Variants in SPATA17 observed in about 807,000 individuals in gnomAD.
SPATA17 encodes the protein spermatogenesis associated 17.
In SPATA17, 53 loss-of-function variants were observed where a neutral mutation model predicts 62.2. The observed-to-expected ratio is 0.85, with a 90% CI of 0.68 to 1.07. SPATA17 has a LOEUF of 1.07. SPATA17 is among the 50% of genes least tolerant of loss of function. SPATA17 has a pLI of 0.00. For synonymous variants in SPATA17, 146 were observed against 146.8 expected (o/e 0.99, Z 0.04); for missense variants, 466 against 425.5 (o/e 1.10, Z -0.84).
chr1:217,664,479 G>C (rs909369495), intron 3 of SPATA17, among the ~76,000 whole-genome samples: 2 of 151,936 alleles, frequency 1.3e-5, no homozygotes, highest in South Asian at 4.2e-4. Flanking sequence ...ATTTTTAGTA[G>C]AGACGGGGTT....
Position 217,782,291 on chromosome 1 carries a change from G to A in SPATA17, c.841G>A (p.Glu281Lys), listed in dbSNP as rs767749783. Residue 281 changes from glutamate (E) to lysine (K), a missense_variant, in exon 8 of 11, where the codon GAG becomes AAG. Coordinates refer to ENST00000366933, the MANE Select transcript of SPATA17 (RefSeq NM_138796.4). ...GTTGGCCAGAGAGGAGCTCAGAAGAGAGGAATGGCTGCAAAATGTAAATGA... is the reference window on the plus strand; with the variant it reads ...GTTGGCCAGAGAGGAGCTCAGAAGAAAGGAATGGCTGCAAAATGTAAATGA... The part of the protein sequence containing the change: ...LKLAREELRR[E>K]EWLQNVNDNM... The A allele has an allele frequency of 6.8e-6, 11 of 1,609,826 alleles. No individual in the cohort carries two copies. The East Asian group carries it at 2.5e-4, about 36-fold the overall frequency.
At chr1:217,681,033 C>T (rs1040030869) in intron 4 of SPATA17, among the ~76,000 whole-genome samples, 1 of 151,458 alleles carries the variant, frequency 6.6e-6, no homozygotes, top group Non-Finnish European at 1.5e-5. Context: ...TCGAGACCAT[C>T]CTGGCCAACA....
At chr1:217,725,058 C>T (rs1228355055) in intron 5 of SPATA17, among the ~76,000 whole-genome samples, 1 of 152,014 alleles carries the variant, frequency 6.6e-6, no homozygotes, top group African/African-American at 2.4e-5. Context: ...AATAGTCATC[C>T]ATATTTTCTT....
chr1:217,864,105 G>A (rs1510248), intron 10 of SPATA17, among the ~76,000 whole-genome samples: 92,334 of 152,078 alleles, frequency 0.61, 28,778 homozygotes, highest in African/African-American at 0.72. Context: ...GAGCTAATAG[G>A]AAATGTATAT....
At chr1:217,756,916 G>A (rs1673057799) in intron 6 of SPATA17, among the ~76,000 whole-genome samples, 2 of 152,160 alleles carry the variant, frequency 1.3e-5, no homozygotes, top group African/African-American at 2.4e-5. Context: ...TTTATGAGAC[G>A]AAGGGATGTT....
chr1:217,758,865 T>A (rs1419189430), intron 6 of SPATA17, among the ~76,000 whole-genome samples: 2 of 152,108 alleles, frequency 1.3e-5, no homozygotes, highest in African/African-American at 4.8e-5. Context: ...GAGGGTGAGA[T>A]ATTGATCTTT....
intron 8 of SPATA17, among the ~76,000 whole-genome samples, chr1:217,786,659 A>G (rs556440923): frequency 6.6e-6 from 1 of 152,168 alleles, no homozygotes; most frequent in Non-Finnish European, 1.5e-5. Flanking sequence ...TCAGAAGAAT[A>G]TGATAGATGC....
chr1:217,718,649 C>T (rs1191926299), intron 5 of SPATA17, among the ~76,000 whole-genome samples: 1 of 151,748 alleles, frequency 6.6e-6, no homozygotes, highest in Non-Finnish European at 1.5e-5. Context: ...GCAAAGGTAC[C>T]AGGGAGTTAG....
intron 9 of SPATA17, among the ~76,000 whole-genome samples, chr1:217,848,340 C>A (rs1675573182): frequency 6.6e-6 from 1 of 152,128 alleles, no homozygotes. Flanking sequence ...TAGCCATTGA[C>A]CTTCAACTAT....
chr1:217,743,546 A>G (rs1672674892), intron 6 of SPATA17, among the ~76,000 whole-genome samples: 1 of 152,060 alleles, frequency 6.6e-6, no homozygotes, highest in Non-Finnish European at 1.5e-5. Flanking sequence ...TAGTTGTGCT[A>G]TGTATACTTA....
intron 9 of SPATA17, among the ~76,000 whole-genome samples, chr1:217,858,478 T>G (rs559152249): frequency 7.9e-5 from 12 of 152,358 alleles, no homozygotes; most frequent in Admixed American, 2.6e-4. Context: ...TAGCAAGTGT[T>G]TCCTGTGCTT....
intron 4 of SPATA17, among the ~76,000 whole-genome samples, chr1:217,679,308 A>T (rs1186529652): frequency 6.6e-6 from 1 of 152,154 alleles, no homozygotes; most frequent in Non-Finnish European, 1.5e-5. Context: ...TTACTGTTTT[A>T]CTGGTTATGT....
At chr1:217,816,843 T>A (rs1271058477) in intron 9 of SPATA17, among the ~76,000 whole-genome samples, 2 of 152,104 alleles carry the variant, frequency 1.3e-5, no homozygotes, top group African/African-American at 4.8e-5. Context: ...CTTGTATTCC[T>A]GGCATAAACT....
At chr1:217,703,160 C>G (rs1671642511) in intron 5 of SPATA17, among the ~76,000 whole-genome samples, 2 of 133,892 alleles carry the variant, frequency 1.5e-5, no homozygotes, top group African/African-American at 2.9e-5. Context: ...CAGGCGTGAG[C>G]CATTGCGCTC....
intron 9 of SPATA17, among the ~76,000 whole-genome samples, chr1:217,839,983 T>A (rs1047221150): frequency 1.3e-5 from 2 of 149,996 alleles, no homozygotes; most frequent in Non-Finnish European, 3.0e-5. Flanking sequence ...ACTCGGAAAA[T>A]CGTGTTTAAA....
chr1:217,855,983 C>A (rs1006847641), intron 9 of SPATA17, among the ~76,000 whole-genome samples: 5 of 151,948 alleles, frequency 3.3e-5, no homozygotes, highest in African/African-American at 9.7e-5. Flanking sequence ...CCTGAACCCC[C>A]CAAAGTGCTG....
chr1:217,808,383 C>CACACA lies in SPATA17; in HGVS notation c.1005+6533_1005+6534insACACA, dbSNP rs34932787. Among the ~76,000 whole-genome samples, 263 of 68,896 alleles carry CACACA rather than the reference C, an allele frequency of 3.8e-3. 1 individual carries two copies. The highest frequency in any genetic ancestry group is 8.9e-3 in the African/African-American group (228 of 25,494). 45.2% of individuals were successfully genotyped at this position (68,896 alleles called of 152,430 possible). A position where few individuals can be genotyped will look rare whatever the true frequency, so the allele number is the denominator to read the frequency against. ...CACACACACACACACACACACACAC[C>CACACA]CCCCTCAGAATTTATACAGAATGAA... is the stretch of plus-strand genomic sequence containing the variant. On this transcript the variant is annotated intron_variant, in intron 9 of 10. Transcript: ENST00000366933.
intron 6 of SPATA17, among the ~76,000 whole-genome samples, chr1:217,744,681 C>G (rs1273602337): frequency 6.6e-6 from 1 of 152,106 alleles, no homozygotes; most frequent in East Asian, 1.9e-4. Flanking sequence ...GTCTCCAAAA[C>G]TCCTTGGCAT....
At chr1:217,848,778 T>C (rs1286721973) in intron 9 of SPATA17, among the ~76,000 whole-genome samples, 1 of 152,158 alleles carries the variant, frequency 6.6e-6, no homozygotes, top group Non-Finnish European at 1.5e-5. Context: ...TCTTTTTTCT[T>C]TGTTTTCTCA....
Sources: gnomAD v4.1 joint callset for allele counts (sites outside exome capture counted in the v4.1 genomes callset) on GRCh38, gnomAD v4.1.1 for gene constraint, MANE v1.5 for transcripts, NCBI Gene and HGNC (gene_info 2026-07-23, HGNC 2026-07-21) for gene names.